The following NEB variants were observed in gnomAD, a reference collection of about 807,000 sequenced individuals.
NEB encodes the protein nemaline myopathy type 2.
In NEB, 512 loss-of-function variants were observed where a neutral mutation model predicts 952.2. The ratio of observed to expected loss-of-function variants is 0.54; its 90% CI spans 0.50 to 0.58. The LOEUF is 0.58. NEB is among the 20% of genes least tolerant of loss of function. The pLI is 0.00. For missense variants in NEB, 8,428 were observed against 9,231.1 expected, an observed-to-expected ratio of 0.91 and a Z score of 3.56; for synonymous variants, 2,900 against 3,149.8, an observed-to-expected ratio of 0.92 and a Z score of 2.66.
intron 129 of NEB, among the ~76,000 whole-genome samples, chr2:151,551,302 A>T (rs2095320696): frequency 6.6e-6 from 1 of 152,206 alleles, no homozygotes; most frequent in Non-Finnish European, 1.5e-5. Context: ...ATGGGAAATA[A>T]CATGAAAAGT....
At chr2:151,639,192 C>G in intron 63 of NEB, 88 bp downstream of exon 63, 1 of 1,043,898 alleles carries the variant, frequency 9.6e-7, no homozygotes. Context: ...AAGATTCTTT[C>G]TAAAGCTGTC....
chr2:151,507,558 C>T (rs1482427533), intron 162 of NEB, among the ~76,000 whole-genome samples: 1 of 152,200 alleles, frequency 6.6e-6, no homozygotes, highest in African/African-American at 2.4e-5. Context: ...AAACAGCCAT[C>T]GCTAAATCCC....
intron 13 of NEB, among the ~76,000 whole-genome samples, chr2:151,697,885 T>A (rs959033336): frequency 1.3e-5 from 2 of 152,030 alleles, no homozygotes; most frequent in Admixed American, 6.6e-5. Context: ...GCCAACAAAG[T>A]GAAACCCTCT....
chr2:151,676,465 A>G (rs1439816254), intron 34 of NEB, among the ~76,000 whole-genome samples: 2 of 152,192 alleles, frequency 1.3e-5, no homozygotes, highest in Non-Finnish European at 2.9e-5. Flanking sequence ...CACAAGCCTG[A>G]TAATGCGGCT....
Position 151,531,850 on chromosome 2 carries a change from G to T in NEB, c.21464C>A (p.Ser7155Ter). The change falls in exon 144 of 182, where the codon TCA becomes TAA. Residue 7155 changes from serine to a stop codon, truncating the protein, a stop_gained. Transcript: ENST00000397345. LOFTEE classifies it high-confidence loss of function. ...CAGGTGTTCTGGAGTATCCACAATTGAGGTAAATTTGTCCTTTGATTTTTC... is the reference window on the plus strand; with the variant it reads ...CAGGTGTTCTGGAGTATCCACAATTTAGGTAAATTTGTCCTTTGATTTTTC... ...NYEKSKDKFT[S>*]IVDTPEHLRT... 2 of 1,612,708 alleles carry T rather than the reference G, an allele frequency of 1.2e-6. No individual in the cohort carries two copies.
At chr2:151,553,315 G>A in intron 127 of NEB, 83 bp downstream of exon 127, 2 of 1,137,140 alleles carry the variant, frequency 1.8e-6, no homozygotes, top group Middle Eastern at 1.9e-4. Flanking sequence ...CTGTGACAAT[G>A]TCCCTATTTT....
chr2:151,719,047 C>T (rs1430825509), intron 9 of NEB, among the ~76,000 whole-genome samples: 1 of 152,196 alleles, frequency 6.6e-6, no homozygotes, highest in Non-Finnish European at 1.5e-5. Context: ...CCTTCCCTGA[C>T]TCCTGAGCCA....
At chr2:151,696,873 G>C in intron 16 of NEB, 138 bp from the exon 17 acceptor site, 1 of 674,608 alleles carries the variant, frequency 1.5e-6, no homozygotes, top group Non-Finnish European at 2.5e-6. Context: ...TTTCTAACTA[G>C]ACTGTAGTTT....
chr2:151,485,665 C>G lies in NEB; in HGVS notation c.*95G>C. On this transcript the variant is annotated 3_prime_UTR_variant, in exon 182 of 182. Coordinates refer to ENST00000397345, the MANE Select transcript of NEB (RefSeq NM_001164508.2). ...CACATTGACACAGAAAAACCATAGG[C>G]AGCTTGAGAACTTAGGTAACAGTGG... The G allele has an allele frequency of 8.2e-7, 1 of 1,218,492 alleles. No individual in the cohort carries two copies. Among genetic ancestry groups the G allele is most frequent in the South Asian group, 1.7e-5 (1 of 58,330 alleles). 75.5% of individuals were successfully genotyped at this position (1,218,492 alleles called of 1,614,324 possible).
chr2:151,515,493 G>T (rs1489544716), intron 157 of NEB, among the ~76,000 whole-genome samples: 1 of 152,084 alleles, frequency 6.6e-6, no homozygotes, highest in Non-Finnish European at 1.5e-5. Flanking sequence ...GACTACAGGT[G>T]TATGCCACCA....
In NEB at chr2:151,617,365, T is replaced by C; in HGVS notation, c.11180A>G (p.Asp3727Gly). ...LAKLNRINYS[D>G]KLYKLALEES... ...TTACAAGATCAACAGTTTACTTACATCACTGTAGTTTATTCGGTTGAGTTT... is the reference window on the plus strand; with the variant it reads ...TTACAAGATCAACAGTTTACTTACACCACTGTAGTTTATTCGGTTGAGTTT... Residue 3727 changes from aspartate (D) to glycine (G), a missense_variant and splice_region_variant, in exon 75 of 182, where the codon GAT becomes GGT. Physicochemically the swap from Asp to Gly is moderately conservative, Grantham distance 94. Around this residue, in one of 11 missense-constraint regions of NEB, gnomAD observed 1,772 missense variants for 1,960.3 expected, o/e 0.90. Coordinates refer to ENST00000397345, the MANE Select transcript of NEB (RefSeq NM_001164508.2). 1 of 1,537,706 alleles carries C rather than the reference T, an allele frequency of 6.5e-7. No individual in the cohort carries two copies.
At chr2:151,565,986 T>TA (rs778033639) in intron 114 of NEB, among the ~76,000 whole-genome samples, 166 bp from the exon 115 acceptor site, 3 of 152,364 alleles carry the variant, frequency 2.0e-5, no homozygotes, top group South Asian at 4.1e-4. Flanking sequence ...AGGCTGTTAC[T>TA]GTGCATGAGG....
intron 124 of NEB, among the ~76,000 whole-genome samples, chr2:151,556,169 A>G (rs1239399883): frequency 6.6e-6 from 1 of 152,208 alleles, no homozygotes; most frequent in Non-Finnish European, 1.5e-5. Context: ...TAAAAATTAA[A>G]TAATTCCATA....
chr2:151,655,821 T>C lies in NEB; in HGVS notation c.6698A>G (p.Asn2233Ser), dbSNP rs1042249935. 4 of 1,613,422 alleles carry C rather than the reference T, an allele frequency of 2.5e-6. 1 individual carries two copies. In the South Asian group the frequency reaches 3.3e-5, roughly 13 times the overall value. ...GACGGCCACTGTTCTCTGTACCTTGTTCATGGTATGTGCATTCTGCTTGGC... is the reference window on the plus strand; with the variant it reads ...GACGGCCACTGTTCTCTGTACCTTGCTCATGGTATGTGCATTCTGCTTGGC... ...VLAKQNAHTM[N>S]KHLYTIDWNK... is the part of the protein sequence containing the mutation. Residue 2233 changes from asparagine (N) to serine (S), a missense_variant, in exon 50 of 182, where the codon AAC becomes AGC. This residue lies in a region of NEB where 2,851 missense variants were observed against 2,791.5 expected (regional missense o/e 1.02). Coordinates refer to ENST00000397345, the MANE Select transcript of NEB (RefSeq NM_001164508.2).
At position 151,643,853 on chromosome 2, in the gene NEB, T is replaced by C; in HGVS notation, c.7921A>G (p.Ile2641Val). Reference protein sequence around the residue: ...WTCLPDQSDVIHARQAYDLQS... With the variant: ...WTCLPDQSDVVHARQAYDLQS... ...AGGTCATAGGCCTGCCGAGCATGGA[T>C]GACATCGCTCTGGTCGGGCAGGCAT... The change falls in exon 57 of 182, where the codon ATC becomes GTC. Residue 2641 changes from isoleucine to valine, a missense_variant. By Grantham distance (29) the Ile-to-Val change is conservative. This residue lies in a region of NEB where 1,772 missense variants were observed against 1,960.3 expected (regional missense o/e 0.90). Transcript: ENST00000397345. The C allele has an allele frequency of 6.2e-7, 1 of 1,613,938 alleles. No individual in the cohort carries two copies. The highest frequency in any genetic ancestry group is 2.2e-5 in the East Asian group (1 of 44,876).
chr2:151,707,279 C>T (rs1193232302), intron 12 of NEB, among the ~76,000 whole-genome samples: 1 of 152,132 alleles, frequency 6.6e-6, no homozygotes, highest in East Asian at 1.9e-4. Context: ...AACACATGGT[C>T]CTTGCCCTCA....
chr2:151,620,750 T>C (rs547829189), intron 72 of NEB, among the ~76,000 whole-genome samples, 169 bp downstream of exon 72: 1 of 152,330 alleles, frequency 6.6e-6, no homozygotes, highest in East Asian at 1.9e-4. Flanking sequence ...GTCTAGGCTA[T>C]GCCTCTGTGA....
chr2:151,627,904 C>T (rs72863268), intron 68 of NEB, 70 bp from the exon 69 acceptor site: 265 of 1,519,388 alleles, frequency 1.7e-4, no homozygotes, highest in Non-Finnish European at 2.3e-4. Context: ...TAATTTAAAA[C>T]TTTATTATTT....
intron 47 of NEB, among the ~76,000 whole-genome samples, chr2:151,658,851 A>G (rs1190338285): frequency 6.6e-6 from 1 of 152,112 alleles, no homozygotes; most frequent in Non-Finnish European, 1.5e-5. Context: ...ACAAAATCCA[A>G]TCACACCGTT....
Sources: gnomAD v4.1 joint callset for allele counts (sites outside exome capture counted in the v4.1 genomes callset) on GRCh38, gnomAD v4.1.1 for gene constraint, gnomAD v4.1.1 regional missense constraint, MANE v1.5 for transcripts, NCBI Gene and HGNC (gene_info 2026-07-23, HGNC 2026-07-21) for gene names.